The following CDC5L variants were observed in gnomAD, a reference collection of about 807,000 sequenced individuals.
CDC5L encodes the protein cell division cycle 5 like.
CDC5L carries 18 observed loss-of-function variants against 104.1 expected under a neutral mutation model. The observed-to-expected ratio is 0.17, with a 90% confidence interval of 0.12 to 0.26. The LOEUF is 0.26. Among genes scored for constraint, CDC5L ranks in the 10% least tolerant of loss-of-function variants. CDC5L has a pLI of 1.00. For missense variants in CDC5L, 673 were observed against 956.9 expected (o/e 0.70, Z 3.91); for synonymous variants, 331 against 322.7 (o/e 1.03, Z -0.28).
intron 5 of CDC5L, 84 bp downstream of exon 5, chr6:44,396,524 GTTTTT>G: frequency 6.9e-6 from 4 of 583,698 alleles, no homozygotes; most frequent in Non-Finnish European, 1.1e-5. Context: ...CAGATATGTG[GTTTTT>G]TTTTTTTTTT....
At chr6:44,409,648 T>A (rs975958289) in intron 8 of CDC5L, among the ~76,000 whole-genome samples, 9 of 152,252 alleles carry the variant, frequency 5.9e-5, no homozygotes, top group African/African-American at 1.9e-4. Context: ...TAGACTACGC[T>A]GGCTGTGTCT....
chr6:44,442,000 G>A (rs1254230061), intron 14 of CDC5L, among the ~76,000 whole-genome samples: 4 of 143,994 alleles, frequency 2.8e-5, no homozygotes, highest in Non-Finnish European at 6.0e-5. Flanking sequence ...GCAGTGGTGC[G>A]ATCTGTGCTC....
At position 44,442,585 on chromosome 6, in the gene CDC5L, CA is replaced by C. The variant is rs554245886; in HGVS notation, c.2092-3069del. ...TGCATACACAAACTATACACTTTTACACCCCTTTCTCCCATATTTTGTATTT... is the reference window on the plus strand; with the variant it reads ...TGCATACACAAACTATACACTTTTACCCCCTTTCTCCCATATTTTGTATTT... On this transcript the variant is annotated intron_variant, in intron 14 of 15. Coordinates refer to ENST00000371477, the MANE Select transcript of CDC5L (RefSeq NM_001253.4). Among the ~76,000 whole-genome samples, 815 of 152,176 alleles carry C rather than the reference CA, an allele frequency of 5.4e-3. 4 individuals carry two copies. Among genetic ancestry groups the C allele is most frequent in the Non-Finnish European group, 7.5e-3 (513 of 67,996 alleles).
chr6:44,428,256 C>A (rs947091426), intron 13 of CDC5L, among the ~76,000 whole-genome samples: 1 of 151,842 alleles, frequency 6.6e-6, no homozygotes. Flanking sequence ...CCATTATTTC[C>A]CTTAAGGTAT....
intron 2 of CDC5L, 85 bp from the exon 3 acceptor site, chr6:44,392,582 G>T: frequency 8.3e-7 from 1 of 1,208,384 alleles, no homozygotes; most frequent in South Asian, 1.4e-5. Context: ...TGAAGGATGA[G>T]AGCACAAGTC....
In CDC5L at chr6:44,415,313, T is replaced by A. The variant is rs149965657; in HGVS notation, c.1093-4136T>A. On this transcript the variant is annotated intron_variant, in intron 8 of 15. Coordinates refer to ENST00000371477, the MANE Select transcript of CDC5L (RefSeq NM_001253.4). ...CAAAACAGGTTTAGAACCTGAGCCA[T>A]ATGCAGTAAGTTTGGGGCTTGTAAC... 1.2e-3 allele frequency among the ~76,000 whole-genome samples: 187 copies of A among 152,344 alleles called. 1 individual carries two copies. The highest frequency in any genetic ancestry group is 1.0e-3 in the Non-Finnish European group (71 of 68,034).
At chr6:44,393,672 CTTT>C in intron 4 of CDC5L, 99 bp downstream of exon 4, 1 of 1,091,454 alleles carries the variant, frequency 9.2e-7, no homozygotes, top group African/African-American at 1.6e-5. Context: ...TTTAGAATCC[CTTT>C]TTTTTTTGAG....
intron 14 of CDC5L, among the ~76,000 whole-genome samples, chr6:44,430,865 C>G (rs560971844): frequency 2.0e-5 from 3 of 152,148 alleles, no homozygotes; most frequent in Non-Finnish European, 4.4e-5. Flanking sequence ...GCCACCATGC[C>G]CGGCTATGCC....
At chr6:44,426,800 A>T in intron 13 of CDC5L, 76 bp downstream of exon 13, 1 of 1,398,148 alleles carries the variant, frequency 7.2e-7, no homozygotes, top group East Asian at 2.3e-5. Flanking sequence ...CAAATAATGA[A>T]CTTATTTTTC....
In CDC5L at chr6:44,442,495, A is replaced by ATAAAGCAG. The variant is rs1408700845; in HGVS notation, c.2092-3160_2092-3159insTAAAGCAG. 6.1e-4 allele frequency among the ~76,000 whole-genome samples: 93 copies of ATAAAGCAG among 151,480 alleles called. 1 individual carries two copies. The South Asian group carries it at 0.018, about 30-fold the overall frequency. On this transcript the variant is annotated intron_variant, in intron 14 of 15. Transcript: ENST00000371477. ...GTTACAGACTTTTGCTTTGTGGTTA[A>ATAAAGCAG]CTTGAGGCTTACATAAAACAGCTTA...
intron 10 of CDC5L, among the ~76,000 whole-genome samples, chr6:44,423,823 G>A (rs1792298936): frequency 2.0e-5 from 3 of 152,170 alleles, no homozygotes; most frequent in Non-Finnish European, 4.4e-5. Flanking sequence ...ATCTTTTAGA[G>A]TGGATTTTAT....
In CDC5L at chr6:44,388,157, G is replaced by GCCCCCCCGC. The variant is rs549878311; in HGVS notation, c.45+296_45+297insGCCCCCCCC. ...ACGCCCCCTCCCACCCCGCCCCCCC[G>GCCCCCCCGC]CCCCCCCCGGCCCCGGGAAGAACTC... On this transcript the variant is annotated intron_variant, in intron 1 of 15. Coordinates refer to ENST00000371477, the MANE Select transcript of CDC5L (RefSeq NM_001253.4). Among the ~76,000 whole-genome samples, 67 of 88,200 alleles carry GCCCCCCCGC rather than the reference G, an allele frequency of 7.6e-4. 1 individual carries two copies. The highest frequency in any genetic ancestry group is 1.0e-3 in the Admixed American group (9 of 9,028). The allele number at this position is 88,200 out of a possible 152,430, so 57.9% of individuals were successfully genotyped here.
chr6:44,394,779 C>T (rs1245183194), intron 4 of CDC5L, among the ~76,000 whole-genome samples: 5 of 119,298 alleles, frequency 4.2e-5, no homozygotes, highest in Non-Finnish European at 9.3e-5. Flanking sequence ...ATCACTTGAG[C>T]CCGGGAGGCT....
intron 6 of CDC5L, 70 bp downstream of exon 6, chr6:44,404,097 A>T: frequency 2.0e-6 from 2 of 1,012,288 alleles, no homozygotes. Context: ...GCCAAGTATT[A>T]TCCTTGTCAG....
At chr6:44,418,824 C>T (rs1337583584) in intron 8 of CDC5L, among the ~76,000 whole-genome samples, 1 of 147,762 alleles carries the variant, frequency 6.8e-6, no homozygotes, top group Non-Finnish European at 1.5e-5. Flanking sequence ...ATCCTTCGCC[C>T]ACTTTTTGAT....
intron 8 of CDC5L, among the ~76,000 whole-genome samples, 177 bp downstream of exon 8, chr6:44,408,809 A>G (rs1791496314): frequency 6.6e-6 from 1 of 152,214 alleles, no homozygotes; most frequent in Admixed American, 6.5e-5. Context: ...AGATTCAGCA[A>G]TCAGGTAGTT....
At chr6:44,405,415 G>A (rs758418735) in intron 6 of CDC5L, among the ~76,000 whole-genome samples, 3 of 152,170 alleles carry the variant, frequency 2.0e-5, no homozygotes, top group Non-Finnish European at 4.4e-5. Flanking sequence ...AGTACTAAGT[G>A]GGGGAGGCAA....
chr6:44,404,212 A>G (rs982312632), intron 6 of CDC5L, among the ~76,000 whole-genome samples, 185 bp downstream of exon 6: 1 of 152,044 alleles, frequency 6.6e-6, no homozygotes, highest in African/African-American at 2.4e-5. Context: ...TGGCACAAAC[A>G]CGGCTTACTG....
In CDC5L at chr6:44,405,037, A is replaced by C. The variant is rs553729243; in HGVS notation, c.758+1010A>C. On this transcript the variant is annotated intron_variant, in intron 6 of 15. Transcript: ENST00000371477. ...GAAAAATTTTACCTTGTTTTTATTA[A>C]GATGAAATTAAAAGAAAAAACTTAC... Among the ~76,000 whole-genome samples the C allele has an allele frequency of 5.9e-5, 9 of 152,272 alleles. No individual in the cohort carries two copies. In the South Asian group the frequency reaches 1.9e-3, roughly 32 times the overall value.
Sources: gnomAD v4.1 joint callset for allele counts (sites outside exome capture counted in the v4.1 genomes callset) on GRCh38, gnomAD v4.1.1 for gene constraint, MANE v1.5 for transcripts, NCBI Gene and HGNC (gene_info 2026-07-23, HGNC 2026-07-21) for gene names.